Variants in LDLRAD4 observed in about 807,000 individuals in gnomAD.
LDLRAD4 encodes low density lipoprotein receptor class A domain containing 4.
In LDLRAD4, 5 loss-of-function variants were observed where a neutral mutation model predicts 17.0. The ratio of observed to expected loss-of-function variants is 0.29; its 90% CI spans 0.15 to 0.62. The LOEUF is 0.62. Ranked by LOEUF, LDLRAD4 falls within the 20% of genes least tolerant of loss-of-function variation. LDLRAD4 has a pLI of 0.84. For synonymous variants in LDLRAD4, 168 were observed against 171.8 expected (o/e 0.98, Z 0.17); for missense variants, 340 against 424.7 (o/e 0.80, Z 1.75).
intron 3 of LDLRAD4, among the ~76,000 whole-genome samples, chr18:13,470,277 T>C (rs547839476): frequency 6.2e-4 from 95 of 152,278 alleles, no homozygotes; most frequent in African/African-American, 2.1e-3. Context: ...GAGAAATAAG[T>C]GTTTCCTGCG....
rs11462818 is a variant in LDLRAD4, at chr18:13,566,367, CTTTTTT to C, written c.182-54741_182-54736del. Among the ~76,000 whole-genome samples the C allele has an allele frequency of 1.0e-3, 144 of 143,532 alleles. 3 individuals are homozygous for C. In the East Asian group the frequency reaches 0.026, roughly 26 times the overall value. 94.2% of individuals were successfully genotyped at this position (143,532 alleles called of 152,430 possible). A position where few individuals can be genotyped will look rare whatever the true frequency, so the allele number is the denominator to read the frequency against. Reference sequence around the variant, plus strand: ...TTTTCAATAAAGAGCATGCCTTAGACTTTTTTTTTTTTTTGAGACAGAGTCTCGCTC... The same window carrying C: ...TTTTCAATAAAGAGCATGCCTTAGACTTTTTTTTGAGACAGAGTCTCGCTC... On this transcript the variant is annotated intron_variant, in intron 3 of 5. Transcript: ENST00000359446.
intron 3 of LDLRAD4, among the ~76,000 whole-genome samples, chr18:13,466,549 C>A (rs1371701884): frequency 3.3e-5 from 5 of 150,828 alleles, no homozygotes; most frequent in African/African-American, 4.9e-5. Context: ...ATGAGATCTT[C>A]TCAATAGACA....
intron 2 of LDLRAD4, chr18:13,420,077 G>A (rs1300087614): frequency 4.6e-5 from 7 of 152,094 alleles, no homozygotes; most frequent in Admixed American, 3.9e-4. Context: ...TTTAAAAGGG[G>A]GGTTCTCAGG....
chr18:13,551,784 C>T (rs550486031), intron 3 of LDLRAD4, among the ~76,000 whole-genome samples: 1 of 152,126 alleles, frequency 6.6e-6, no homozygotes, highest in South Asian at 2.1e-4. Flanking sequence ...TCTTTTTGCA[C>T]TGCTACAAAG....
intron 3 of LDLRAD4, among the ~76,000 whole-genome samples, chr18:13,589,905 C>G (rs2094988533): frequency 1.3e-5 from 2 of 152,092 alleles, no homozygotes; most frequent in African/African-American, 4.8e-5. Flanking sequence ...TGGGCCTGCC[C>G]TGCAATCTGA....
intron 3 of LDLRAD4, among the ~76,000 whole-genome samples, chr18:13,550,593 C>T (rs924166544): frequency 3.3e-5 from 5 of 152,170 alleles, no homozygotes; most frequent in African/African-American, 4.8e-5. Context: ...TGAGTGCTGG[C>T]GATGTTGATG....
chr18:13,591,452 C>G (rs5011709), intron 3 of LDLRAD4, among the ~76,000 whole-genome samples: 2 of 149,470 alleles, frequency 1.3e-5, no homozygotes, highest in Non-Finnish European at 3.0e-5. Context: ...GTGTGTGTCT[C>G]TGTGTGTGTG....
At chr18:13,229,384 A>G (rs1044981078) in intron 1 of LDLRAD4, among the ~76,000 whole-genome samples, 5 of 152,164 alleles carry the variant, frequency 3.3e-5, no homozygotes, top group African/African-American at 1.2e-4. Flanking sequence ...TTTTGAGAGG[A>G]TTAGATAAGA....
intron 2 of LDLRAD4, among the ~76,000 whole-genome samples, chr18:13,416,949 T>C (rs2088955147): frequency 1.3e-5 from 2 of 152,258 alleles, no homozygotes; most frequent in Admixed American, 1.3e-4. Context: ...TAGGTACTAT[T>C]TCTGTCTCCT....
chr18:13,225,880 A>G (rs2041756106), intron 1 of LDLRAD4, among the ~76,000 whole-genome samples: 1 of 152,206 alleles, frequency 6.6e-6, no homozygotes, highest in Admixed American at 6.5e-5. Flanking sequence ...TCTAGATTGT[A>G]TAATATTCTA....
chr18:13,458,095 C>G (rs2092239268), intron 3 of LDLRAD4, among the ~76,000 whole-genome samples: 1 of 152,132 alleles, frequency 6.6e-6, no homozygotes, highest in South Asian at 2.1e-4. Context: ...GTGGTAAAGG[C>G]AAGTCTCCTA....
intron 4 of LDLRAD4, among the ~76,000 whole-genome samples, chr18:13,623,661 A>T (rs1026083516): frequency 6.6e-6 from 1 of 152,206 alleles, no homozygotes; most frequent in Admixed American, 6.5e-5. Flanking sequence ...AGCCCAGTTG[A>T]TGGTTCCCCA....
rs2092693282 is a variant in LDLRAD4 at position 13,468,830 on chromosome 18, T to G, written c.181+30446T>G. Reference sequence around the variant, plus strand: ...AGACATGGACACAGGAAGGGGAACATCACACACCGGGGCCTGTTGTGGGGT... The same window carrying G: ...AGACATGGACACAGGAAGGGGAACAGCACACACCGGGGCCTGTTGTGGGGT... On this transcript the variant is annotated intron_variant, in intron 3 of 5. Coordinates refer to ENST00000359446, the Ensembl canonical transcript of LDLRAD4. Among the ~76,000 whole-genome samples the G allele has an allele frequency of 2.5e-5, 3 of 119,058 alleles. No homozygotes were observed. In the South Asian group the frequency reaches 8.7e-4, roughly 34 times the overall value. The allele number at this position is 119,058 out of a possible 152,430, so 78.1% of individuals were successfully genotyped here.
intron 2 of LDLRAD4, among the ~76,000 whole-genome samples, chr18:13,435,084 A>C (rs1486740380): frequency 1.3e-5 from 2 of 152,192 alleles, no homozygotes; most frequent in Non-Finnish European, 2.9e-5. Context: ...TTGAAATATC[A>C]CAATAATCTC....
intron 3 of LDLRAD4, chr18:13,611,377 C>T: frequency 1.4e-6 from 1 of 711,240 alleles, no homozygotes; most frequent in Non-Finnish European, 1.7e-6. Flanking sequence ...GCAGCGTTAC[C>T]ATGGCAGGCT....
At chr18:13,332,801 T>C (rs1041599638) in intron 1 of LDLRAD4, among the ~76,000 whole-genome samples, 4 of 152,124 alleles carry the variant, frequency 2.6e-5, no homozygotes, top group African/African-American at 9.7e-5. Context: ...ATGGTTTGTT[T>C]ATCCACTCTT....
At chr18:13,510,263 G>A (rs1032185935) in intron 3 of LDLRAD4, among the ~76,000 whole-genome samples, 1 of 152,134 alleles carries the variant, frequency 6.6e-6, no homozygotes, top group African/African-American at 2.4e-5. Flanking sequence ...GAATGGAAGA[G>A]GTAATATGTT....
At chr18:13,252,118 T>G (rs1024127752) in intron 1 of LDLRAD4, among the ~76,000 whole-genome samples, 3 of 152,046 alleles carry the variant, frequency 2.0e-5, no homozygotes, top group Admixed American at 2.0e-4. Context: ...CTTCATTGGT[T>G]TTTGTTTGTT....
rs563060534 is a variant in LDLRAD4 at position 13,416,561 on chromosome 18, A to G, written c.41-21683A>G. 5.9e-5 allele frequency among the ~76,000 whole-genome samples: 9 copies of G among 152,346 alleles called. No individual in the cohort carries two copies. The South Asian group carries it at 1.9e-3, about 32-fold the overall frequency. On this transcript the variant is annotated intron_variant, in intron 2 of 5. Coordinates refer to ENST00000359446, the Ensembl canonical transcript of LDLRAD4. ...CACCGTTTGAATTATATGATGGCTTAAAGAAAGCTCTGTGTCTACTTCTGA... is the reference window on the plus strand; with the variant it reads ...CACCGTTTGAATTATATGATGGCTTGAAGAAAGCTCTGTGTCTACTTCTGA...
Sources: gnomAD v4.1 joint callset for allele counts (sites outside exome capture counted in the v4.1 genomes callset) on GRCh38, gnomAD v4.1.1 for gene constraint, MANE v1.5 for transcripts, NCBI Gene and HGNC (gene_info 2026-07-23, HGNC 2026-07-21) for gene names.